Variants in CHAF1B observed in about 807,000 individuals in gnomAD.
CHAF1B encodes chromatin assembly factor 1 subunit B.
Under a neutral mutation model 60.7 loss-of-function variants are expected in CHAF1B, and 10 were observed. That is an observed-to-expected ratio of 0.16 (90% CI 0.10 to 0.28). CHAF1B has a LOEUF of 0.28. Ranked by LOEUF, CHAF1B falls within the 10% of genes least tolerant of loss-of-function variation. The pLI is 1.00. For missense variants in CHAF1B, 558 were observed against 708.4 expected (o/e 0.79, Z 2.41); for synonymous variants, 261 against 266.1 (o/e 0.98, Z 0.19).
At chr21:36,409,066 G>C (rs1174554250) in intron 9 of CHAF1B, among the ~76,000 whole-genome samples, 2 of 151,934 alleles carry the variant, frequency 1.3e-5, no homozygotes, top group African/African-American at 4.8e-5. Flanking sequence ...TGTTGGCCAG[G>C]TTGGTTTCAA....
chr21:36,411,362 G>A, intron 10 of CHAF1B, 101 bp from the exon 11 acceptor site: 3 of 1,413,806 alleles, frequency 2.1e-6, no homozygotes, highest in East Asian at 2.3e-5. Flanking sequence ...GATCCACCCG[G>A]CTCGGCCTCC....
Position 36,406,855 on chromosome 21 carries a change from C to T in CHAF1B, c.758-1906C>T, listed in dbSNP as rs2086241664. 1.3e-5 allele frequency among the ~76,000 whole-genome samples: 2 copies of T among 152,028 alleles called. 1 individual carries two copies. The highest frequency in any genetic ancestry group is 4.8e-5 in the African/African-American group (2 of 41,378). On this transcript the variant is annotated intron_variant, in intron 8 of 13. Transcript: ENST00000314103. ...TATTGAATGAGTAGTGCTGGGGTAG[C>T]CAGCTATGTGGAAGAAGGTAAAATT... is the stretch of plus-strand genomic sequence containing the variant.
At chr21:36,389,777 G>A (rs899981294) in intron 3 of CHAF1B, among the ~76,000 whole-genome samples, 10 of 125,628 alleles carry the variant, frequency 8.0e-5, no homozygotes, top group Admixed American at 5.9e-4. Flanking sequence ...GTGTGTGTGT[G>A]TGTGTGTGTG....
At chr21:36,392,578 G>A (rs1306498354) in intron 4 of CHAF1B, among the ~76,000 whole-genome samples, 1 of 151,558 alleles carries the variant, frequency 6.6e-6, no homozygotes, top group Admixed American at 6.6e-5. Flanking sequence ...GGACGGGGCA[G>A]CTGCCGGGCA....
rs2086330882 is a variant in CHAF1B at position 36,417,889 on chromosome 21, G to A, written c.*1523G>A. 4 of 152,262 alleles carry A rather than the reference G, an allele frequency of 2.6e-5. No individual in the cohort carries two copies. The South Asian group carries it at 8.3e-4, about 32-fold the overall frequency. 9.4% of individuals were successfully genotyped at this position (152,262 alleles called of 1,614,324 possible). A position where few individuals can be genotyped will look rare whatever the true frequency, so the allele number is the denominator to read the frequency against. ...ATTTGGCCTAATCGGTCTGGGGTAT[G>A]TTCTGAATATTAGGATTTCTTAAAG... is the stretch of plus-strand genomic sequence containing the variant. On this transcript the variant is annotated 3_prime_UTR_variant, in exon 14 of 14. Coordinates refer to ENST00000314103, the MANE Select transcript of CHAF1B (RefSeq NM_005441.3).
At chr21:36,398,810 A>G (rs1171396542) in intron 6 of CHAF1B, among the ~76,000 whole-genome samples, 1 of 152,244 alleles carries the variant, frequency 6.6e-6, no homozygotes. Flanking sequence ...AGTGCCTCCT[A>G]TATTACTTAA....
chr21:36,412,030 A>G (rs192778730), intron 11 of CHAF1B, among the ~76,000 whole-genome samples: 6 of 151,686 alleles, frequency 4.0e-5, no homozygotes, highest in Admixed American at 2.6e-4. Flanking sequence ...GCCCGGCCCC[A>G]ATTTTGTTTT....
intron 12 of CHAF1B, among the ~76,000 whole-genome samples, chr21:36,414,358 C>A (rs1365499641): frequency 6.6e-6 from 1 of 152,220 alleles, no homozygotes; most frequent in Non-Finnish European, 1.5e-5. Context: ...TCTTCTTTGG[C>A]AAGTTCATAA....
intron 4 of CHAF1B, 103 bp downstream of exon 4, chr21:36,391,771 CATT>C (rs913607118): frequency 1.4e-6 from 1 of 724,776 alleles, no homozygotes; most frequent in Non-Finnish European, 2.4e-6. Context: ...GATAGGGTCT[CATT>C]GTCGCCCAGG....
At chr21:36,397,393 T>C (rs2086149752) in intron 5 of CHAF1B, 22 bp from the exon 6 acceptor site, 1 of 1,224,462 alleles carries the variant, frequency 8.2e-7, no homozygotes, top group Non-Finnish European at 1.2e-6. Context: ...TTTTGGTGCG[T>C]GTGTGTGTGT....
intron 11 of CHAF1B, among the ~76,000 whole-genome samples, chr21:36,412,426 C>T (rs117773195): frequency 0.021 from 3,147 of 152,166 alleles, 56 homozygotes; most frequent in Admixed American, 0.044. Flanking sequence ...GTGGAACGAT[C>T]GTGGCTCACT....
intron 11 of CHAF1B, among the ~76,000 whole-genome samples, chr21:36,411,886 G>A (rs1220736668): frequency 6.6e-6 from 1 of 152,004 alleles, no homozygotes; most frequent in Admixed American, 6.6e-5. Flanking sequence ...GCACCACTAC[G>A]CCTGGCTAAT....
chr21:36,404,270 T>G (rs982709879), intron 8 of CHAF1B, among the ~76,000 whole-genome samples: 5 of 150,646 alleles, frequency 3.3e-5, no homozygotes, highest in African/African-American at 7.3e-5. Flanking sequence ...CCAGCTAATT[T>G]TTGTATTTTT....
chr21:36,399,849 C>T (rs1444209412), intron 7 of CHAF1B, among the ~76,000 whole-genome samples: 1 of 152,148 alleles, frequency 6.6e-6, no homozygotes, highest in Non-Finnish European at 1.5e-5. Flanking sequence ...GTTTTCAACC[C>T]TGGTTGCACG....
At chr21:36,407,296 T>A in intron 8 of CHAF1B, among the ~76,000 whole-genome samples, 1 of 138,968 alleles carries the variant, frequency 7.2e-6, no homozygotes. Context: ...AGTGAGACTC[T>A]GTCTAAAAAA....
At chr21:36,385,942 A>G (rs1476378684) in intron 1 of CHAF1B, 118 bp from the exon 2 acceptor site, 32 of 579,308 alleles carry the variant, frequency 5.5e-5, no homozygotes, top group Non-Finnish European at 9.0e-6. Flanking sequence ...TGTTATTGTC[A>G]GATGGCAACG....
At chr21:36,406,433 C>T (rs1024169840) in intron 8 of CHAF1B, among the ~76,000 whole-genome samples, 3 of 151,878 alleles carry the variant, frequency 2.0e-5, no homozygotes, top group Admixed American at 1.3e-4. Flanking sequence ...TTACAGGCGC[C>T]GGCCACCATG....
chr21:36,388,468 G>GTTTT (rs1168454008), intron 3 of CHAF1B, among the ~76,000 whole-genome samples: 4 of 126,346 alleles, frequency 3.2e-5, no homozygotes, highest in Non-Finnish European at 5.0e-5. Context: ...GGCTTTGGGA[G>GTTTT]TTTTTTTTTT....
chr21:36,404,978 A>C (rs567608777), intron 8 of CHAF1B, among the ~76,000 whole-genome samples: 1 of 151,992 alleles, frequency 6.6e-6, no homozygotes, highest in African/African-American at 2.4e-5. Context: ...TCCTGACCTC[A>C]GGTGATCTGC....
Sources: gnomAD v4.1 joint callset for allele counts (sites outside exome capture counted in the v4.1 genomes callset) on GRCh38, gnomAD v4.1.1 for gene constraint, MANE v1.5 for transcripts, NCBI Gene and HGNC (gene_info 2026-07-23, HGNC 2026-07-21) for gene names.